JAKMIP2: variants seen among roughly 807,000 people sequenced by gnomAD.
JAKMIP2 encodes the protein janus kinase and microtubule interacting protein 2.
JAKMIP2 carries 25 observed loss-of-function variants against 115.0 expected under a neutral mutation model. The ratio of observed to expected loss-of-function variants is 0.22; its 90% CI spans 0.16 to 0.30. The LOEUF is 0.30. Among genes scored for constraint, JAKMIP2 ranks in the 10% least tolerant of loss-of-function variants. JAKMIP2 has a pLI of 1.00. For synonymous variants in JAKMIP2, 334 were observed against 343.6 expected, an observed-to-expected ratio of 0.97 and a Z score of 0.31; for missense variants, 642 against 957.6, an observed-to-expected ratio of 0.67 and a Z score of 4.35.
intron 1 of JAKMIP2, among the ~76,000 whole-genome samples, chr5:147,738,615 C>T (rs1754016024): frequency 6.6e-6 from 1 of 150,470 alleles, no homozygotes; most frequent in Admixed American, 6.6e-5. Flanking sequence ...CCTTTATACT[C>T]GTGTAACTGA....
intron 1 of JAKMIP2, among the ~76,000 whole-genome samples, chr5:147,776,036 T>G (rs553355345): frequency 1.3e-5 from 2 of 152,338 alleles, no homozygotes; most frequent in South Asian, 2.1e-4. Context: ...GGTATTATGT[T>G]TAAAGCTCAA....
intron 1 of JAKMIP2, among the ~76,000 whole-genome samples, chr5:147,710,183 T>C (rs1752726375): frequency 6.6e-6 from 1 of 152,196 alleles, no homozygotes. Context: ...TTACTTGGAA[T>C]CCAGTTTACT....
chr5:147,702,282 A>G (rs748477387), intron 1 of JAKMIP2, among the ~76,000 whole-genome samples: 18 of 145,366 alleles, frequency 1.2e-4, no homozygotes, highest in Non-Finnish European at 2.6e-4. Context: ...GAATGATACA[A>G]TGGACTTTGA....
At chr5:147,735,261 A>C (rs898909450) in intron 1 of JAKMIP2, among the ~76,000 whole-genome samples, 1 of 152,196 alleles carries the variant, frequency 6.6e-6, no homozygotes, top group African/African-American at 2.4e-5. Context: ...CAGAATGTGA[A>C]AGTGATTGTC....
intron 1 of JAKMIP2, among the ~76,000 whole-genome samples, chr5:147,757,313 C>T (rs1277593117): frequency 6.6e-6 from 1 of 152,098 alleles, no homozygotes; most frequent in African/African-American, 2.4e-5. Flanking sequence ...CAGGTGAAGT[C>T]ACTATCTTAG....
intron 1 of JAKMIP2, among the ~76,000 whole-genome samples, chr5:147,709,598 C>T (rs1259083092): frequency 6.6e-6 from 1 of 152,086 alleles, no homozygotes; most frequent in Non-Finnish European, 1.5e-5. Flanking sequence ...CGCCTGTAAT[C>T]CCAGCACTTT....
chr5:147,619,048 T>C (rs374772741), intron 18 of JAKMIP2, among the ~76,000 whole-genome samples: 2 of 152,188 alleles, frequency 1.3e-5, no homozygotes, highest in South Asian at 4.1e-4. Flanking sequence ...TGAGTCTTTC[T>C]TTTGTAGATG....
intron 1 of JAKMIP2, among the ~76,000 whole-genome samples, chr5:147,749,051 C>T (rs1340418509): frequency 6.6e-6 from 1 of 152,140 alleles, no homozygotes; most frequent in African/African-American, 2.4e-5. Flanking sequence ...GCTTCATTCC[C>T]ACTTAAGAGA....
chr5:147,710,087 A>G (rs1252951802), intron 1 of JAKMIP2, among the ~76,000 whole-genome samples: 1 of 152,184 alleles, frequency 6.6e-6, no homozygotes, highest in Non-Finnish European at 1.5e-5. Flanking sequence ...CCGAAGGAGT[A>G]TTGATGAATA....
rs41291415 is a variant in JAKMIP2 at position 147,631,429 on chromosome 5, A to G, written c.1859T>C (p.Met620Thr). The change falls in exon 14 of 22, where the codon ATG becomes ACG. Residue 620 changes from methionine (M) to threonine (T), a missense_variant. Around this residue, in one of 6 missense-constraint regions of JAKMIP2, gnomAD observed 103 missense variants for 177.6 expected, o/e 0.58. Coordinates refer to ENST00000616793, the MANE Select transcript of JAKMIP2 (RefSeq NM_001270941.2). ...DGVSALQIYCMKEGVKDVNIP... is the reference protein window; with the variant it reads ...DGVSALQIYCTKEGVKDVNIP... ...TCTGCCTACCTTAACACCTTCTTTC[A>G]TACAGTAGATCTGTAGAGCACTCAC... The G allele has an allele frequency of 6.2e-7, 1 of 1,601,458 alleles. No homozygotes were observed. The highest frequency in any genetic ancestry group is 8.5e-7 in the Non-Finnish European group (1 of 1,171,548).
intron 1 of JAKMIP2, among the ~76,000 whole-genome samples, chr5:147,781,128 C>G (rs941264644): frequency 6.6e-6 from 1 of 152,176 alleles, no homozygotes; most frequent in African/African-American, 2.4e-5. Context: ...GCCACACATT[C>G]TCCTGCTCGC....
intron 1 of JAKMIP2, among the ~76,000 whole-genome samples, chr5:147,765,606 A>G (rs1222532887): frequency 6.6e-6 from 1 of 152,178 alleles, no homozygotes; most frequent in East Asian, 1.9e-4. Flanking sequence ...CCTAATATCC[A>G]TCAGGGACTT....
At chr5:147,715,204 G>A (rs949698490) in intron 1 of JAKMIP2, among the ~76,000 whole-genome samples, 4 of 151,928 alleles carry the variant, frequency 2.6e-5, no homozygotes, top group Non-Finnish European at 5.9e-5. Context: ...AAAATTTCCT[G>A]TCGATTCAAA....
At chr5:147,593,731 AG>A (rs1755211347) in intron 21 of JAKMIP2, among the ~76,000 whole-genome samples, 1 of 152,222 alleles carries the variant, frequency 6.6e-6, no homozygotes, top group Non-Finnish European at 1.5e-5. Context: ...GCCTGAGTGA[AG>A]AAAGCTATGA....
At chr5:147,711,523 T>C (rs912585117) in intron 1 of JAKMIP2, among the ~76,000 whole-genome samples, 1 of 152,170 alleles carries the variant, frequency 6.6e-6, no homozygotes, top group Non-Finnish European at 1.5e-5. Flanking sequence ...AGAGAGGCAC[T>C]TATGGATTTG....
intron 1 of JAKMIP2, among the ~76,000 whole-genome samples, chr5:147,674,118 A>G (rs180969206): frequency 1.3e-5 from 2 of 152,266 alleles, no homozygotes; most frequent in East Asian, 1.9e-4. Context: ...TCTTTGTTAC[A>G]TTAGTCCCCC....
intron 2 of JAKMIP2, among the ~76,000 whole-genome samples, chr5:147,670,692 G>A (rs1206255707): frequency 6.6e-6 from 1 of 152,118 alleles, no homozygotes; most frequent in Non-Finnish European, 1.5e-5. Context: ...AAATTTTTTT[G>A]TTCAATCCTC....
chr5:147,616,979 C>A (rs777228243), intron 19 of JAKMIP2, among the ~76,000 whole-genome samples: 2 of 152,152 alleles, frequency 1.3e-5, no homozygotes, highest in Middle Eastern at 3.2e-3. Context: ...CCTATTCATA[C>A]CATCTGAATT....
chr5:147,732,115 C>T (rs968039268), intron 1 of JAKMIP2, among the ~76,000 whole-genome samples: 3 of 152,148 alleles, frequency 2.0e-5, no homozygotes, highest in African/African-American at 7.2e-5. Flanking sequence ...GATCTCTTTT[C>T]CATCCCTGAG....
Sources: allele counts gnomAD v4.1 joint callset (sites outside exome capture counted in the v4.1 genomes callset), GRCh38; gene constraint gnomAD v4.1.1; regional missense constraint gnomAD v4.1.1; transcripts MANE v1.5; gene names NCBI Gene and HGNC (gene_info 2026-07-23, HGNC 2026-07-21).